Variants in RBFOX1 observed in about 807,000 individuals in gnomAD.
RBFOX1 encodes RNA binding protein fox-1 homolog 1.
RBFOX1 carries 8 observed loss-of-function variants against 57.7 expected under a neutral mutation model. That is an observed-to-expected ratio of 0.14 (90% confidence interval 0.08 to 0.25). RBFOX1 has a LOEUF of 0.25. RBFOX1 is among the 10% of genes least tolerant of loss of function. The probability of loss-of-function intolerance (pLI) is 1.00; values close to 1 mark genes in which losing one functional copy is unlikely to be tolerated. For synonymous variants in RBFOX1, 326 were observed against 222.4 expected (o/e 1.47, Z -4.15); for missense variants, 611 against 548.5 (o/e 1.11, Z -1.14).
intron 1 of RBFOX1, among the ~76,000 whole-genome samples, chr16:6,073,623 A>T (rs1460436143): frequency 1.3e-5 from 2 of 152,194 alleles, no homozygotes; most frequent in Non-Finnish European, 2.9e-5. Context: ...TTGGTGCACA[A>T]ACATGTTAAA....
Position 6,642,364 on chromosome 16 carries a change from C to T in RBFOX1, c.-63-12239C>T, listed in dbSNP as rs1159642122. Reference sequence around the variant, plus strand: ...TAATTAAAAGCGCTCTCATTAAACTCCCGCTGTGATGCCAATGCATAGCTC... The same window carrying T: ...TAATTAAAAGCGCTCTCATTAAACTTCCGCTGTGATGCCAATGCATAGCTC... On this transcript the variant is annotated intron_variant, in intron 2 of 15. Coordinates refer to ENST00000550418, the MANE Select transcript of RBFOX1 (RefSeq NM_018723.4). Among the ~76,000 whole-genome samples the T allele has an allele frequency of 2.6e-5, 4 of 152,140 alleles. No homozygotes were observed. In the South Asian group the frequency reaches 8.3e-4, roughly 32 times the overall value.
At chr16:6,931,496 A>C (rs2076556414) in intron 3 of RBFOX1, among the ~76,000 whole-genome samples, 1 of 152,128 alleles carries the variant, frequency 6.6e-6, no homozygotes, top group Non-Finnish European at 1.5e-5. Flanking sequence ...CTACTACATC[A>C]ATGAGAACAC....
chr16:7,611,523 G>C (rs1487900615), intron 10 of RBFOX1, among the ~76,000 whole-genome samples: 1 of 151,082 alleles, frequency 6.6e-6, no homozygotes, highest in East Asian at 2.0e-4. Context: ...AGGTTGCAGT[G>C]AGCCAAGATT....
chr16:6,567,761 A>G (rs1010900808), intron 2 of RBFOX1, among the ~76,000 whole-genome samples: 1 of 152,164 alleles, frequency 6.6e-6, no homozygotes, highest in African/African-American at 2.4e-5. Context: ...GTTGGTCCAT[A>G]CAAAGCAACA....
At chr16:6,694,409 A>G (rs981755268) in intron 3 of RBFOX1, among the ~76,000 whole-genome samples, 1 of 152,176 alleles carries the variant, frequency 6.6e-6, no homozygotes, top group African/African-American at 2.4e-5. Flanking sequence ...CACAAGAAGA[A>G]AAAACTGGTT....
Position 5,590,645 on chromosome 16 carries a change from G to A in RBFOX1, c.259-8257G>A, listed in dbSNP as rs553171720. Among the ~76,000 whole-genome samples the A allele has an allele frequency of 5.9e-5, 9 of 152,282 alleles. No homozygotes were observed. The South Asian group carries it at 1.7e-3, about 28-fold the overall frequency. On this transcript the variant is annotated intron_variant, in intron 2 of 2. Transcript: ENST00000585867. ...AATTCACTCCCAGATCGGGCACTGA[G>A]GAACCATATGGGTGGAGGCCATGCT... is the stretch of plus-strand genomic sequence containing the variant.
intron 2 of RBFOX1, among the ~76,000 whole-genome samples, chr16:5,512,082 A>G (rs2043613396): frequency 6.6e-6 from 1 of 152,220 alleles, no homozygotes; most frequent in Non-Finnish European, 1.5e-5. Context: ...CAATGGGGTG[A>G]TATGTCTTGT....
chr16:5,247,216 C>G (rs1389341164), intron 1 of RBFOX1, among the ~76,000 whole-genome samples: 3 of 152,174 alleles, frequency 2.0e-5, no homozygotes, highest in Non-Finnish European at 4.4e-5. Flanking sequence ...TCTAGATGCT[C>G]TAGCACCCAC....
chr16:6,623,080 C>T (rs1317418811), intron 2 of RBFOX1, among the ~76,000 whole-genome samples: 1 of 152,192 alleles, frequency 6.6e-6, no homozygotes, highest in East Asian at 1.9e-4. Flanking sequence ...TGCAAATTAC[C>T]TGCTGTGTCC....
At chr16:7,581,802 T>A (rs2093785410) in intron 6 of RBFOX1, among the ~76,000 whole-genome samples, 1 of 152,078 alleles carries the variant, frequency 6.6e-6, no homozygotes, top group African/African-American at 2.4e-5. Context: ...CTGCAAATTC[T>A]TGGGCTCAAG....
At chr16:5,340,725 G>C (rs2065013656) in intron 1 of RBFOX1, among the ~76,000 whole-genome samples, 1 of 152,208 alleles carries the variant, frequency 6.6e-6, no homozygotes, top group South Asian at 2.1e-4. Context: ...TTCATTTATA[G>C]AGTGTTTGCC....
chr16:7,402,418 T>G (rs899555452), intron 4 of RBFOX1, among the ~76,000 whole-genome samples: 7 of 152,316 alleles, frequency 4.6e-5, no homozygotes, highest in African/African-American at 1.4e-4. Context: ...CTTTGAAAAG[T>G]GGTCTTAAAT....
At chr16:6,793,853 A>G (rs1326028654) in intron 3 of RBFOX1, among the ~76,000 whole-genome samples, 1 of 152,154 alleles carries the variant, frequency 6.6e-6, no homozygotes, top group Non-Finnish European at 1.5e-5. Context: ...GAGGTCTGGT[A>G]TAGCTGATGG....
At chr16:6,996,454 T>C (rs932273827) in intron 3 of RBFOX1, among the ~76,000 whole-genome samples, 3 of 152,210 alleles carry the variant, frequency 2.0e-5, no homozygotes, top group African/African-American at 4.8e-5. Flanking sequence ...GATTGATACA[T>C]ACATGTGTAT....
At chr16:7,693,961 C>T (rs1329089214) in intron 14 of RBFOX1, among the ~76,000 whole-genome samples, 1 of 152,128 alleles carries the variant, frequency 6.6e-6, no homozygotes, top group African/African-American at 2.4e-5. Flanking sequence ...GGTTTTGAAA[C>T]CAGGACATTG....
At chr16:5,573,691 G>A (rs2046359143) in intron 2 of RBFOX1, among the ~76,000 whole-genome samples, 1 of 152,194 alleles carries the variant, frequency 6.6e-6, no homozygotes, top group Non-Finnish European at 1.5e-5. Context: ...GCTGGACGCA[G>A]TGGCTCACAC....
intron 14 of RBFOX1, among the ~76,000 whole-genome samples, chr16:7,681,301 G>C (rs1237475658): frequency 6.6e-6 from 1 of 152,036 alleles, no homozygotes; most frequent in Non-Finnish European, 1.5e-5. Flanking sequence ...AGGGAAGGAA[G>C]CAAGGAAGGG....
intron 3 of RBFOX1, among the ~76,000 whole-genome samples, chr16:6,860,311 C>G (rs2058764517): frequency 2.0e-5 from 3 of 152,164 alleles, no homozygotes; most frequent in Admixed American, 6.5e-5. Flanking sequence ...GTTCTCAGTT[C>G]TGATGGAGTC....
At chr16:5,511,825 A>C (rs571070211) in intron 2 of RBFOX1, among the ~76,000 whole-genome samples, 1 of 152,342 alleles carries the variant, frequency 6.6e-6, no homozygotes, top group South Asian at 2.1e-4. Flanking sequence ...ATTGCAGAGT[A>C]GGGGAGACCA....
Sources: allele counts gnomAD v4.1 joint callset (sites outside exome capture counted in the v4.1 genomes callset), GRCh38; gene constraint gnomAD v4.1.1; transcripts MANE v1.5; gene names NCBI Gene and HGNC (gene_info 2026-07-23, HGNC 2026-07-21).